EXTL3: variants seen among roughly 807,000 people sequenced by gnomAD.
EXTL3 encodes the protein exostosin like glycosyltransferase 3, also known as exostosin-like 3.
EXTL3 carries 27 observed loss-of-function variants against 69.3 expected under a neutral mutation model. That is an observed-to-expected ratio of 0.39 (90% confidence interval 0.29 to 0.54). The LOEUF is 0.54. Among genes scored for constraint, EXTL3 ranks in the 20% least tolerant of loss-of-function variants. The pLI is 0.69. For missense variants in EXTL3, 1,003 were observed against 1,231.8 expected (o/e 0.81, Z 2.78); for synonymous variants, 511 against 499.4 (o/e 1.02, Z -0.31).
chr8:28,652,025 TTGTGTGTGTGTGTCTGTG>T (rs1029169629), intron 1 of EXTL3, among the ~76,000 whole-genome samples: 11 of 151,414 alleles, frequency 7.3e-5, no homozygotes, highest in African/African-American at 2.2e-4. Flanking sequence ...TAATATTCCA[TTGTGTGTGTGTGTCTGTG>T]TGTGTGTGTG....
chr8:28,680,423 C>A (rs928213894), intron 1 of EXTL3, among the ~76,000 whole-genome samples: 8 of 147,502 alleles, frequency 5.4e-5, no homozygotes, highest in Non-Finnish European at 6.0e-5. Context: ...CTATTTATTT[C>A]TTCTTTTCTT....
chr8:28,697,841 A>G (rs1282559445), upstream of EXTL3: 1 of 151,912 alleles, frequency 6.6e-6, no homozygotes. Flanking sequence ...AAAAAGAAAA[A>G]AAAAAAAAAA....
chr8:28,680,179 G>C (rs1239648151), intron 1 of EXTL3, among the ~76,000 whole-genome samples: 1 of 151,902 alleles, frequency 6.6e-6, no homozygotes. Flanking sequence ...ATCACCTGAG[G>C]TCAGGAGTTC....
At chr8:28,620,959 C>T, upstream of EXTL3, among the ~76,000 whole-genome samples, 1 of 152,218 alleles carries the variant, frequency 6.6e-6, no homozygotes, top group South Asian at 2.1e-4. Flanking sequence ...AAGCGATCCT[C>T]CCCTCTCAGC....
Position 28,716,082 on chromosome 8 carries a change from G to A in EXTL3, c.23G>A (p.Arg8Gln), listed in dbSNP as rs200921766. The change falls in exon 3 of 7, where the codon CGG becomes CAG. Residue 8 changes from arginine (R) to glutamine (Q), a missense_variant. Around this residue, in one of 2 missense-constraint regions of EXTL3, gnomAD observed 742 missense variants for 815.4 expected, o/e 0.91. Transcript: ENST00000220562. The surrounding 1 kb of genome is among the most constrained non-coding windows in gnomAD (Gnocchi z 7.1). Reference protein sequence around the residue: MTGYTMLRNGGAGNGGQT... With the variant: MTGYTMLQNGGAGNGGQT... Reference sequence around the variant, plus strand: ...CTCATGACAGGCTATACCATGCTGCGGAATGGGGGCGCGGGGAACGGAGGT... The same window carrying A: ...CTCATGACAGGCTATACCATGCTGCAGAATGGGGGCGCGGGGAACGGAGGT... The A allele has an allele frequency of 1.9e-5, 31 of 1,610,080 alleles. No individual in the cohort carries two copies. The highest frequency in any genetic ancestry group is 6.7e-5 in the East Asian group (3 of 44,888).
chr8:28,611,998 C>T (rs564935090), intron 2 of EXTL3, among the ~76,000 whole-genome samples: 1 of 152,318 alleles, frequency 6.6e-6, no homozygotes, highest in East Asian at 1.9e-4. Flanking sequence ...CGTGTGCCCG[C>T]CTGGATCCAG....
intron 3 of EXTL3, among the ~76,000 whole-genome samples, chr8:28,725,825 A>C (rs949847823): frequency 3.3e-5 from 5 of 152,178 alleles, no homozygotes; most frequent in Admixed American, 6.5e-5. Context: ...ACAAAACAAC[A>C]TCAACAAAAA....
chr8:28,667,349 G>A (rs1807212900), intron 1 of EXTL3, among the ~76,000 whole-genome samples: 1 of 152,138 alleles, frequency 6.6e-6, no homozygotes, highest in South Asian at 2.1e-4. Context: ...CAAGGATGAG[G>A]CCTGGTCAAG....
chr8:28,613,476 C>A (rs1247067623), intron 2 of EXTL3, among the ~76,000 whole-genome samples: 1 of 152,224 alleles, frequency 6.6e-6, no homozygotes, highest in Non-Finnish European at 1.5e-5. Context: ...GCCACTGCGC[C>A]TGGCCCTATG....
rs144018080 is a variant in EXTL3, at chr8:28,724,420, G to A, written c.2148+6213G>A. On this transcript the variant is annotated intron_variant, in intron 3 of 6. Transcript: ENST00000220562. Reference sequence around the variant, plus strand: ...TTCTTATTCTCTTTTCTTCCTTTGCGTTTTCTTGCTTTCTGCCCCATCACT... The same window carrying A: ...TTCTTATTCTCTTTTCTTCCTTTGCATTTTCTTGCTTTCTGCCCCATCACT... 1.2e-4 allele frequency among the ~76,000 whole-genome samples: 18 copies of A among 152,180 alleles called. No homozygotes were observed. The East Asian group carries it at 2.5e-3, about 21-fold the overall frequency.
chr8:28,684,998 C>G (rs1297332747), intron 1 of EXTL3, among the ~76,000 whole-genome samples: 1 of 81,638 alleles, frequency 1.2e-5, no homozygotes, highest in African/African-American at 4.6e-5. Flanking sequence ...GTCCCCCAGG[C>G]TGGAGTGCAG....
In EXTL3 at chr8:28,682,435, G is replaced by C. The variant is rs578149865; in HGVS notation, c.-52-31022G>C. 7.9e-5 allele frequency among the ~76,000 whole-genome samples: 12 copies of C among 152,114 alleles called. No individual in the cohort carries two copies. In the South Asian group the frequency reaches 2.5e-3, roughly 32 times the overall value. Reference sequence around the variant, plus strand: ...TGATTGTTTCCTTTGCTGTGCAGCAGCTTTTTATTTTTATTTTATTTTTTT... The same window carrying C: ...TGATTGTTTCCTTTGCTGTGCAGCACCTTTTTATTTTTATTTTATTTTTTT... On this transcript the variant is annotated intron_variant, in intron 1 of 6. Transcript: ENST00000523149.
At chr8:28,636,020 G>C (rs976007769) in intron 1 of EXTL3, among the ~76,000 whole-genome samples, 1 of 151,934 alleles carries the variant, frequency 6.6e-6, no homozygotes, top group Non-Finnish European at 1.5e-5. Flanking sequence ...GCCCCCGGCC[G>C]AGGATAGAAT....
At chr8:28,632,780 C>A (rs1295628019) in intron 1 of EXTL3, among the ~76,000 whole-genome samples, 3 of 151,846 alleles carry the variant, frequency 2.0e-5, no homozygotes, top group Non-Finnish European at 4.4e-5. Context: ...TCTCGAACTC[C>A]TGACCTCAGG....
chr8:28,628,729 CTG>C, intron 1 of EXTL3, among the ~76,000 whole-genome samples: 2 of 152,286 alleles, frequency 1.3e-5, no homozygotes, highest in South Asian at 4.1e-4. Flanking sequence ...TCTCTGCTCA[CTG>C]TAACCTCTGC....
At chr8:28,710,882 G>C (rs1347343086) in intron 1 of EXTL3, among the ~76,000 whole-genome samples, 3 of 152,082 alleles carry the variant, frequency 2.0e-5, no homozygotes, top group Non-Finnish European at 4.4e-5. Context: ...GCTTTAGTCA[G>C]GGCAATGCTA....
chr8:28,681,295 A>G (rs1177062072), intron 1 of EXTL3, among the ~76,000 whole-genome samples: 1 of 151,194 alleles, frequency 6.6e-6, no homozygotes, highest in Non-Finnish European at 1.5e-5. Context: ...CAGGCAGATC[A>G]CCTGAGGTCA....
intron 3 of EXTL3, 22 bp downstream of exon 3, chr8:28,718,229 C>T (rs374393027): frequency 3.3e-5 from 53 of 1,606,014 alleles, no homozygotes; most frequent in African/African-American, 6.7e-5. Context: ...ACGAACAGTT[C>T]GTTTTGGTGC....
At chr8:28,612,257 C>A (rs1258616451) in intron 2 of EXTL3, among the ~76,000 whole-genome samples, 1 of 151,984 alleles carries the variant, frequency 6.6e-6, no homozygotes, top group East Asian at 1.9e-4. Flanking sequence ...AGTTTAAGAC[C>A]AGCCTGGCCA....
Sources: allele counts gnomAD v4.1 joint callset (sites outside exome capture counted in the v4.1 genomes callset), GRCh38; gene constraint gnomAD v4.1.1; regional missense constraint gnomAD v4.1.1; non-coding constraint Gnocchi (gnomAD v3.1); transcripts MANE v1.5; gene names NCBI Gene and HGNC (gene_info 2026-07-23, HGNC 2026-07-21).